Variants in ANO7 observed in about 807,000 individuals in gnomAD.
ANO7 encodes anoctamin-7.
Under a neutral mutation model 115.8 loss-of-function variants are expected in ANO7, and 114 were observed. That is an observed-to-expected ratio of 0.98 (90% CI 0.85 to 1.15). ANO7 has a LOEUF of 1.15. Ranked by LOEUF, ANO7 falls within the 50% of genes most tolerant of loss-of-function variation. The pLI is 0.00. For missense variants in ANO7, 1,302 were observed against 1,201.2 expected, an observed-to-expected ratio of 1.08 and a Z score of -1.24; for synonymous variants, 550 against 498.2, an observed-to-expected ratio of 1.10 and a Z score of -1.38.
In ANO7 at chr2:241,191,048, G is replaced by T. The variant is rs114644430; in HGVS notation, c.109-146G>T. ...CCCCTCCACCCCCTACCCACCCGCC[G>T]AACATTCTTCTGTGGTCCTGAGTGT... On this transcript the variant is annotated intron_variant, in intron 2 of 24. Transcript: ENST00000674324. 7.5e-4 allele frequency: 685 copies of T among 911,456 alleles called. 4 individuals carry two copies. In the African/African-American group the frequency reaches 0.01, roughly 14 times the overall value. 56.5% of individuals were successfully genotyped at this position (911,456 alleles called of 1,614,324 possible). A position where few individuals can be genotyped will look rare whatever the true frequency, so the allele number is the denominator to read the frequency against.
intron 15 of ANO7, among the ~76,000 whole-genome samples, chr2:241,211,788 C>T (rs967461720): frequency 2.6e-5 from 4 of 152,196 alleles, no homozygotes; most frequent in East Asian, 1.9e-4. Context: ...GAGCCCAGTC[C>T]GCTGCGCAGC....
intron 5 of ANO7, 123 bp from the exon 6 acceptor site, chr2:241,199,966 C>T (rs2068430670): frequency 8.4e-7 from 1 of 1,188,732 alleles, no homozygotes; most frequent in South Asian, 1.4e-5. Flanking sequence ...CTACCACGCT[C>T]CTTCCCTCTG....
At chr2:241,229,587 G>T, downstream of ANO7, 1 of 1,603,278 alleles carries the variant, frequency 6.2e-7, no homozygotes, top group Non-Finnish European at 8.5e-7. Context: ...AGAGGGTTCT[G>T]TTCTTTTTGA....
At position 241,209,350 on chromosome 2, in the gene ANO7, G is replaced by T. The variant is rs2068665959; in HGVS notation, c.1143G>T (p.Val381=). Residue 381 remains valine, a synonymous_variant, in exon 12 of 25, where the codon GTG becomes GTT. Coordinates refer to ENST00000674324, the MANE Select transcript of ANO7 (RefSeq NM_001370694.2). ...GCTTGTTCATGGCACTGTGGGCCGT[G>T]CTGCTGCTGGAGTACTGGAAGCGGA... ...FFSLFMALWA[V]LLLEYWKRKS... The T allele has an allele frequency of 5.7e-6, 9 of 1,578,764 alleles. No individual in the cohort carries two copies. Among genetic ancestry groups the T allele is most frequent in the East Asian group, 4.7e-5 (2 of 42,728 alleles).
intron 2 of ANO7, 150 bp from the exon 3 acceptor site, chr2:241,191,044 C>A (rs1052166121): frequency 1.1e-6 from 1 of 889,194 alleles, no homozygotes; most frequent in South Asian, 1.5e-5. Context: ...CCTACCCACC[C>A]GCCGAACATT....
intron 11 of ANO7, among the ~76,000 whole-genome samples, chr2:241,208,581 C>T (rs1026702531): frequency 1.3e-5 from 2 of 152,210 alleles, no homozygotes; most frequent in African/African-American, 2.4e-5. Context: ...AGGTTCCCAA[C>T]GAACATATCT....
chr2:241,230,866 C>T (rs768789088), downstream of ANO7: 2 of 1,614,210 alleles, frequency 1.2e-6, no homozygotes, highest in Admixed American at 3.3e-5. This position sits in a 1 kb window ranked among gnomAD's most constrained non-coding sequence, Gnocchi z 5.0. Context: ...TGCTCAAGTT[C>T]ACCCACAATT....
At chr2:241,229,673 G>A, downstream of ANO7, 1 of 1,614,172 alleles carries the variant, frequency 6.2e-7, no homozygotes. Flanking sequence ...CCTCAGAGCT[G>A]CTCATGTCAG....
intron 19 of ANO7, 94 bp from the exon 20 acceptor site, chr2:241,217,590 GCA>G: frequency 7.4e-7 from 1 of 1,355,708 alleles, no homozygotes; most frequent in African/African-American, 1.5e-5. Flanking sequence ...TGGGGTGGCG[GCA>G]CCACGTGGAC....
At chr2:241,235,575 A>G in the ANO7 span, 4 of 1,613,646 alleles carry the variant, frequency 2.5e-6, no homozygotes, top group Admixed American at 1.7e-5. Flanking sequence ...CTCTACTTCA[A>G]TGGTGACAGG....
At chr2:241,206,639 C>A (rs2149197286) in intron 10 of ANO7, among the ~76,000 whole-genome samples, 1 of 48,646 alleles carries the variant, frequency 2.1e-5, no homozygotes, top group Non-Finnish European at 3.9e-5. Context: ...GGAGTGCTCC[C>A]AGGCTGACAG....
In ANO7 at chr2:241,189,926, C is replaced by A. The variant is rs1040444697; in HGVS notation, c.-7-131C>A. 6.6e-5 allele frequency: 44 copies of A among 664,764 alleles called. No homozygotes were observed. The African/African-American group carries it at 6.8e-4, about 10-fold the overall frequency. The allele number at this position is 664,764 out of a possible 1,614,324, so 41.2% of individuals were successfully genotyped here. A position where few individuals can be genotyped will look rare whatever the true frequency, so the allele number is the denominator to read the frequency against. On this transcript the variant is annotated intron_variant, in intron 1 of 24. Coordinates refer to ENST00000674324, the MANE Select transcript of ANO7 (RefSeq NM_001370694.2). ...TCATGGCCAGGAGAGTCTGCCGAGC[C>A]AGCCCAGCCCCATTCTACTCCGAGT...
intron 18 of ANO7, 101 bp from the exon 19 acceptor site, chr2:241,215,992 A>G (rs2068820062): frequency 6.9e-7 from 1 of 1,445,488 alleles, no homozygotes. Flanking sequence ...CTTCAATTGC[A>G]AAGCAACAGG....
At chr2:241,210,221 G>C in intron 13 of ANO7, 74 bp from the exon 14 acceptor site, 1 of 1,443,146 alleles carries the variant, frequency 6.9e-7, no homozygotes, top group Non-Finnish European at 9.7e-7. Context: ...AAGAGCTGTC[G>C]GGGGCCATGG....
the ANO7 span, chr2:241,235,647 T>TA: frequency 7.6e-6 from 10 of 1,311,756 alleles, no homozygotes; most frequent in Non-Finnish European, 1.1e-5. Context: ...CAGAGTGACG[T>TA]TGTAAGCTCA....
rs746892635 is a variant in ANO7, at chr2:241,199,350, A to G, written c.344A>G (p.Tyr115Cys). The G allele has an allele frequency of 6.2e-7, 1 of 1,613,700 alleles. No individual in the cohort carries two copies. Among genetic ancestry groups the G allele is most frequent in the Non-Finnish European group, 8.5e-7 (1 of 1,180,026 alleles). Residue 115 changes from tyrosine to cysteine, a missense_variant, in exon 5 of 25, where the codon TAC (tyrosine) becomes TGC (cysteine). Transcript: ENST00000674324. Reference sequence around the variant, plus strand: ...CAGGACGGGAACACCACAGTGCACTACGCCCTCCTCAGCGCCTCCTGGGCT... The same window carrying G: ...CAGGACGGGAACACCACAGTGCACTGCGCCCTCCTCAGCGCCTCCTGGGCT... ...DVQDGNTTVH[Y>C]ALLSASWAVL...
chr2:241,239,485 C>T, the ANO7 span: 8 of 795,614 alleles, frequency 1.0e-5, no homozygotes, highest in Admixed American at 6.8e-5. The surrounding 1 kb of genome is among the most constrained non-coding windows in gnomAD (Gnocchi z 4.6). Flanking sequence ...CTTCTGAAGC[C>T]TTCCAGGGCT....
chr2:241,201,564 C>A (rs1287833220), intron 7 of ANO7, among the ~76,000 whole-genome samples: 1 of 152,228 alleles, frequency 6.6e-6, no homozygotes, highest in Non-Finnish European at 1.5e-5. Flanking sequence ...TGGGGAAGGG[C>A]CCAGTTCCCC....
chr2:241,210,510 G>A lies in ANO7; in HGVS notation c.1501G>A (p.Val501Ile), dbSNP rs149170904. ...CCTCACGGGGTCTGTAGTGAACCTC[G>A]TCTTCATCCTCATCCTCTCCAAGAT... The part of the protein sequence containing the change: ...ASLTGSVVNL[V>I]FILILSKIYV... Residue 501 changes from valine (V) to isoleucine (I), a missense_variant, in exon 15 of 25, where the codon GTC becomes ATC. Physicochemically the swap from Val to Ile is conservative, Grantham distance 29. Coordinates refer to ENST00000674324, the MANE Select transcript of ANO7 (RefSeq NM_001370694.2). 167 of 1,614,026 alleles carry A rather than the reference G, an allele frequency of 1.0e-4. No homozygotes were observed. Among genetic ancestry groups the A allele is most frequent in the Admixed American group, 3.7e-4 (22 of 60,024 alleles).
Sources: allele counts gnomAD v4.1 joint callset (sites outside exome capture counted in the v4.1 genomes callset), GRCh38; gene constraint gnomAD v4.1.1; non-coding constraint Gnocchi (gnomAD v3.1); transcripts MANE v1.5; gene names NCBI Gene and HGNC (gene_info 2026-07-23, HGNC 2026-07-21).